Variants in WASHC1 observed in about 807,000 individuals in gnomAD.
The protein encoded by WASHC1 is CXYorf1-like protein on chromosome 9.
A neutral mutation model predicts 26.1 loss-of-function variants in WASHC1; 11 were observed. The ratio of observed to expected loss-of-function variants is 0.42; its 90% CI spans 0.27 to 0.70. The LOEUF is 0.70. Among genes scored for constraint, WASHC1 ranks in the 30% least tolerant of loss-of-function variants. The pLI, the probability that WASHC1 is intolerant of heterozygous loss-of-function variation, is 0.24. For missense variants in WASHC1, 96 were observed against 304.9 expected, an observed-to-expected ratio of 0.31 and a Z score of 5.10; for synonymous variants, 37 against 126.6, an observed-to-expected ratio of 0.29 and a Z score of 4.75.
rs770523024 is a variant in WASHC1, at chr9:15,862, C to T, written c.1195+47G>A. 55 of 1,392,324 alleles carry T rather than the reference C, an allele frequency of 4.0e-5. 3 individuals carry two copies. In the East Asian group the frequency reaches 6.6e-4, roughly 17 times the overall value. The allele number at this position is 1,392,324 out of a possible 1,614,324, so 86.2% of individuals were successfully genotyped here. ...GGACTCAGGGCTGGAGGGGAGGAGG[C>T]GATCTTGCCCAAGGCCCTCCAACCG... On this transcript the variant is annotated intron_variant, in intron 9 of 10. Transcript: ENST00000442898.
intron 2 of WASHC1, among the ~76,000 whole-genome samples, chr9:21,449 A>G (rs1252239219): frequency 4.0e-4 from 58 of 146,348 alleles, no homozygotes; most frequent in African/African-American, 1.5e-3. Flanking sequence ...CCCTGTCTGT[A>G]GCCTCACCCC....
At chr9:15,125 T>C (rs1262199835) in exon 10 of WASHC1, 13 of 587,372 alleles carry the variant, frequency 2.2e-5, no homozygotes, top group Non-Finnish European at 3.5e-5. Flanking sequence ...CGACATCAAG[T>C]GCCCACCTTG....
In WASHC1 at chr9:21,955, C is replaced by T. The variant is rs1816990148; in HGVS notation, c.149+2896G>A. Among the ~76,000 whole-genome samples, 6 of 143,822 alleles carry T rather than the reference C, an allele frequency of 4.2e-5. No homozygotes were observed. The South Asian group carries it at 1.4e-3, about 33-fold the overall frequency. 94.4% of individuals were successfully genotyped at this position (143,822 alleles called of 152,430 possible). On this transcript the variant is annotated intron_variant, in intron 2 of 10. Coordinates refer to ENST00000442898, the Ensembl canonical transcript of WASHC1. ...CGTTCCAAGCCACACTGAGGCCTCCCTCCAAGCCTGCAGCCCCCATTTCCA... is the reference window on the plus strand; with the variant it reads ...CGTTCCAAGCCACACTGAGGCCTCCTTCCAAGCCTGCAGCCCCCATTTCCA...
chr9:14,923 G>A lies in WASHC1; in HGVS notation c.1282C>T (p.Pro428Ser), dbSNP rs759414581. 3.6e-6 allele frequency: 5 copies of A among 1,382,990 alleles called. No homozygotes were observed. Among genetic ancestry groups the A allele is most frequent in the African/African-American group, 1.9e-5 (1 of 51,326 alleles). 85.7% of individuals were successfully genotyped at this position (1,382,990 alleles called of 1,614,324 possible). ...CCTCCGGGCCCCTCACCAGCCCCAG[G>A]TCCTTTCCCAGAGATGCCTGGAGGG... The change falls in exon 11 of 11, where the codon CCT (proline) becomes TCT (serine). Residue 428 changes from proline (P) to serine (S), a missense_variant. Physicochemically the swap from Pro to Ser is moderately conservative, Grantham distance 74. Coordinates refer to ENST00000442898, the Ensembl canonical transcript of WASHC1.
chr9:21,632 AG>A (rs1816931163), intron 2 of WASHC1, among the ~76,000 whole-genome samples: 1 of 148,608 alleles, frequency 6.7e-6, no homozygotes, highest in Non-Finnish European at 1.5e-5. Context: ...ATCAACTTGA[AG>A]TCCTGTCTTG....
rs1816563151 is a variant in WASHC1 at position 17,756 on chromosome 9, CA to C, written c.507del (p.Val170SerfsTer27). On this transcript the variant is annotated frameshift_variant, in exon 5 of 11. Coordinates refer to ENST00000442898, the Ensembl canonical transcript of WASHC1. LOFTEE classifies it high-confidence loss of function. ...GTGTTGAAGAGCAGCAAGGAGCTGACAGAGCTGATGTTGCTGGGAAGACCCC... is the reference window on the plus strand; with the variant it reads ...GTGTTGAAGAGCAGCAAGGAGCTGACGAGCTGATGTTGCTGGGAAGACCCC... The C allele has an allele frequency of 2.9e-6, 1 of 343,330 alleles. No homozygotes were observed. The highest frequency in any genetic ancestry group is 5.1e-6 in the Non-Finnish European group (1 of 195,926). 21.3% of individuals were successfully genotyped at this position (343,330 alleles called of 1,614,324 possible).
exon 1 of WASHC1, chr9:29,674 A>G (rs1342874836): frequency 6.8e-6 from 1 of 146,470 alleles, no homozygotes; most frequent in African/African-American, 2.6e-5. Flanking sequence ...TAAGAATTCA[A>G]TAGAGAAGCC....
rs1815983630 is a variant in WASHC1 at position 14,639 on chromosome 9, G to C, written c.*168C>G. The C allele has an allele frequency of 6.6e-6, 8 of 1,208,826 alleles. No homozygotes were observed. In the African/African-American group the frequency reaches 8.0e-5, roughly 12 times the overall value. 74.9% of individuals were successfully genotyped at this position (1,208,826 alleles called of 1,614,324 possible). A position where few individuals can be genotyped will look rare whatever the true frequency, so the allele number is the denominator to read the frequency against. On this transcript the variant is annotated 3_prime_UTR_variant, in exon 11 of 11. Coordinates refer to ENST00000442898, the Ensembl canonical transcript of WASHC1. ...TACAGGCAGACAAGTCCCCGCCCCA[G>C]CTGTGTGGCCTCAAGCCAGCCTTCC...
At chr9:14,934 G>C in exon 11 of WASHC1, 1 of 1,374,078 alleles carries the variant, frequency 7.3e-7, no homozygotes. Context: ...TCCTTTCCCA[G>C]AGATGCCTGG....
At chr9:17,125 C>A in exon 7 of WASHC1, 1 of 1,258,852 alleles carries the variant, frequency 7.9e-7, no homozygotes, top group Non-Finnish European at 1.0e-6. Flanking sequence ...GGATCTCAGG[C>A]ACCTGGCCCA....
At position 14,808 on chromosome 9, in the gene WASHC1, T is replaced by TA; in HGVS notation, c.1396dup (p.Ter466LeufsTer93). 1.9e-6 allele frequency: 3 copies of TA among 1,540,574 alleles called. No homozygotes were observed. The East Asian group carries it at 6.8e-5, about 35-fold the overall frequency. On this transcript the variant is annotated frameshift_variant and stop_lost, in exon 11 of 11. Coordinates refer to ENST00000442898, the Ensembl canonical transcript of WASHC1. LOFTEE classifies it high-confidence loss of function. ...GGGGGGAAGGTGTCATGGAGCCCCC[T>TA]ACGATTCCCAGTCGTCCTCGTCCTC... is the stretch of plus-strand genomic sequence containing the variant.
rs1449855484 is a variant in WASHC1 at position 20,724 on chromosome 9, G to C, written c.150-2232C>G. ...CAAGCGTATAAATACAGAAGGTGGA[G>C]AGAACTTGCTTTAGACACAGTTCAG... On this transcript the variant is annotated intron_variant, in intron 2 of 10. Coordinates refer to ENST00000442898, the Ensembl canonical transcript of WASHC1. Among the ~76,000 whole-genome samples the C allele has an allele frequency of 6.0e-4, 57 of 95,444 alleles. 12 individuals are homozygous for C. Among genetic ancestry groups the C allele is most frequent in the Non-Finnish European group, 3.8e-5 (2 of 53,000 alleles). The allele number at this position is 95,444 out of a possible 152,430, so 62.6% of individuals were successfully genotyped here. A position where few individuals can be genotyped will look rare whatever the true frequency, so the allele number is the denominator to read the frequency against.
rs534683650 is a variant in WASHC1 at position 15,863 on chromosome 9, G to T, written c.1195+46C>A. On this transcript the variant is annotated intron_variant, in intron 9 of 10. Transcript: ENST00000442898. ...GACTCAGGGCTGGAGGGGAGGAGGC[G>T]ATCTTGCCCAAGGCCCTCCAACCGC... 6 of 1,395,706 alleles carry T rather than the reference G, an allele frequency of 4.3e-6. 1 individual carries two copies. In the South Asian group the frequency reaches 6.3e-5, roughly 15 times the overall value. The allele number at this position is 1,395,706 out of a possible 1,614,324, so 86.5% of individuals were successfully genotyped here.
chr9:23,297 ATTAAT>A (rs1209933798), intron 2 of WASHC1, among the ~76,000 whole-genome samples: 1 of 62,948 alleles, frequency 1.6e-5, no homozygotes, highest in Non-Finnish European at 2.5e-5. Flanking sequence ...GCATGTTTTG[ATTAAT>A]TTAATATTTA....
chr9:17,233 T>C (rs1816463379), intron 6 of WASHC1, 67 bp from the exon 7 acceptor site: 1 of 1,023,070 alleles, frequency 9.8e-7, no homozygotes, highest in Non-Finnish European at 1.4e-6. Flanking sequence ...CAAGACCTTG[T>C]GTGCACCTCC....
intron 8 of WASHC1, among the ~76,000 whole-genome samples, chr9:16,352 CAT>C (rs1333434408): frequency 2.9e-5 from 1 of 34,350 alleles, no homozygotes; most frequent in East Asian, 4.5e-4. Flanking sequence ...CAGTTGCACA[CAT>C]GAGCCAGCAG....
chr9:28,486 ACAG>A (rs1817484751), intron 1 of WASHC1: 1 of 124,412 alleles, frequency 8.0e-6, no homozygotes, highest in African/African-American at 3.4e-5. Flanking sequence ...TAGTGGACAG[ACAG>A]TAACTAGTTG....
At position 17,125 on chromosome 9, in the gene WASHC1, C is replaced by T. The variant is rs1587283570; in HGVS notation, c.723G>A (p.Val241=). The T allele has an allele frequency of 9.5e-6, 12 of 1,258,782 alleles. 2 individuals carry two copies. The East Asian group carries it at 3.9e-4, about 41-fold the overall frequency. 78.0% of individuals were successfully genotyped at this position (1,258,782 alleles called of 1,614,324 possible). Residue 241 remains valine, a synonymous_variant, in exon 7 of 11, where the codon GTG becomes GTA. Transcript: ENST00000442898. ...GGTAGGATGGAACATGGATCTCAGG[C>T]ACCTGGCCCAGGTCTGGCACATAGA...
At chr9:28,717 T>C (rs1817524707) in intron 1 of WASHC1, 1 of 124,902 alleles carries the variant, frequency 8.0e-6, no homozygotes, top group Non-Finnish European at 1.6e-5. Context: ...TTTTTTTTTT[T>C]GCATCTATGA....
Sources: allele counts gnomAD v4.1 joint callset (sites outside exome capture counted in the v4.1 genomes callset), GRCh38; gene constraint gnomAD v4.1.1; transcripts MANE v1.5; gene names NCBI Gene and HGNC (gene_info 2026-07-23, HGNC 2026-07-21).